Variants in ADGRL2 observed in about 807,000 individuals in gnomAD.
ADGRL2 encodes the protein calcium-independent alpha-latrotoxin receptor 2.
ADGRL2 carries 44 observed loss-of-function variants against 157.4 expected under a neutral mutation model. The ratio of observed to expected loss-of-function variants is 0.28; its 90% CI spans 0.22 to 0.36. ADGRL2 has a LOEUF of 0.36. Among genes scored for constraint, ADGRL2 ranks in the 10% least tolerant of loss-of-function variants. ADGRL2 has a pLI of 1.00. For missense variants in ADGRL2, 1,510 were observed against 1,768.9 expected (o/e 0.85, Z 2.63); for synonymous variants, 585 against 624.7 (o/e 0.94, Z 0.95).
intron 2 of ADGRL2, among the ~76,000 whole-genome samples, chr1:81,887,921 A>G (rs925549774): frequency 6.6e-6 from 1 of 152,236 alleles, no homozygotes; most frequent in Non-Finnish European, 1.5e-5. Flanking sequence ...ACATCCTTTA[A>G]AGATGAGTAT....
At chr1:81,694,624 G>A (rs2083407248) in intron 3 of ADGRL2, among the ~76,000 whole-genome samples, 1 of 152,022 alleles carries the variant, frequency 6.6e-6, no homozygotes, top group African/African-American at 2.4e-5. Flanking sequence ...CATCATTTAT[G>A]TGTCAGCTTT....
At chr1:81,466,820 C>A (rs1184806897) in intron 2 of ADGRL2, among the ~76,000 whole-genome samples, 1 of 151,968 alleles carries the variant, frequency 6.6e-6, no homozygotes, top group Non-Finnish European at 1.5e-5. Flanking sequence ...GTCAATTAAA[C>A]CACATTGTTT....
intron 1 of ADGRL2, among the ~76,000 whole-genome samples, chr1:81,429,873 T>C (rs779534227): frequency 6.6e-6 from 1 of 152,050 alleles, no homozygotes; most frequent in African/African-American, 2.4e-5. Context: ...TTGTTTTTTG[T>C]TTTTGTTTTT....
intron 1 of ADGRL2, among the ~76,000 whole-genome samples, chr1:81,438,802 C>T (rs1236210800): frequency 6.6e-6 from 1 of 152,120 alleles, no homozygotes; most frequent in Non-Finnish European, 1.5e-5. Flanking sequence ...TAATACACTT[C>T]AATATATTTC....
rs555787520 is a variant in ADGRL2, at chr1:81,759,504, T to C, written c.-142-2307T>C. Among the ~76,000 whole-genome samples, 268 of 152,266 alleles carry C rather than the reference T, an allele frequency of 1.8e-3. 1 individual carries two copies. The highest frequency in any genetic ancestry group is 2.7e-3 in the Non-Finnish European group (184 of 67,984). On this transcript the variant is annotated intron_variant, in intron 1 of 20. Transcript: ENST00000359929. ...GCAAAATTCAAAACATTTATGAAAGTATAATTAACTAACATTTTAAATCAG... is the reference window on the plus strand; with the variant it reads ...GCAAAATTCAAAACATTTATGAAAGCATAATTAACTAACATTTTAAATCAG...
rs765738444 is a variant in ADGRL2 at position 81,936,788 on chromosome 1, T to C, written c.348T>C (p.Cys116=). 3 of 1,612,124 alleles carry C rather than the reference T, an allele frequency of 1.9e-6. No individual in the cohort carries two copies. The African/African-American group carries it at 4.0e-5, about 22-fold the overall frequency. The change falls in exon 4 of 24, where the codon TGT becomes TGC. Residue 116 remains cysteine (C), a synonymous_variant. Transcript: ENST00000686636. Reference sequence around the variant, plus strand: ...GGTCAGATGTGTTTCCTGATCCATGTCCTGGAACATACAAATACCTTGAAG... The same window carrying C: ...GGTCAGATGTGTTTCCTGATCCATGCCCTGGAACATACAAATACCTTGAAG... The part of the protein sequence containing the change: ...VTGSDVFPDP[C]PGTYKYLEVQ...
intron 2 of ADGRL2, among the ~76,000 whole-genome samples, chr1:81,843,529 G>A (rs1179354006): frequency 1.3e-5 from 2 of 152,080 alleles, no homozygotes; most frequent in African/African-American, 4.8e-5. Flanking sequence ...TAATTTGATT[G>A]CAGCAGCTTT....
intron 1 of ADGRL2, among the ~76,000 whole-genome samples, chr1:81,816,160 T>C (rs1186516366): frequency 6.6e-6 from 1 of 151,828 alleles, no homozygotes; most frequent in Admixed American, 6.6e-5. Context: ...AAGAGGAGCA[T>C]ATCAAGGTTG....
chr1:81,399,471 T>C (rs1570850457), intron 1 of ADGRL2, among the ~76,000 whole-genome samples: 2 of 152,212 alleles, frequency 1.3e-5, no homozygotes, highest in African/African-American at 2.4e-5. Context: ...TCTTCACTAC[T>C]ATTCTTTCTT....
intron 2 of ADGRL2, among the ~76,000 whole-genome samples, chr1:81,880,006 G>A (rs982389308): frequency 1.8e-4 from 27 of 152,146 alleles, no homozygotes; most frequent in African/African-American, 6.0e-4. Context: ...CAATCTAGGC[G>A]ATAGAGTGAG....
chr1:81,426,448 G>C, intron 1 of ADGRL2: 1 of 381,894 alleles, frequency 2.6e-6, no homozygotes, highest in South Asian at 2.0e-5. Flanking sequence ...AGGTGAGTCC[G>C]GTCTCAAAAT....
intron 1 of ADGRL2, among the ~76,000 whole-genome samples, chr1:81,749,877 T>C (rs1306287877): frequency 6.6e-5 from 10 of 152,162 alleles, no homozygotes; most frequent in Non-Finnish European, 1.5e-5. Context: ...CTGAATGTAG[T>C]TGCTTATAAT....
At chr1:81,450,831 T>C (rs778763666) in intron 2 of ADGRL2, among the ~76,000 whole-genome samples, 1 of 152,116 alleles carries the variant, frequency 6.6e-6, no homozygotes, top group Non-Finnish European at 1.5e-5. Flanking sequence ...GGGAAAGCTA[T>C]AGTGTTAATA....
At chr1:81,322,193 CAT>C (rs897470978) in intron 1 of ADGRL2, among the ~76,000 whole-genome samples, 2 of 147,220 alleles carry the variant, frequency 1.4e-5, no homozygotes, top group Non-Finnish European at 1.5e-5. Context: ...TATACATATA[CAT>C]ATATATATAC....
chr1:81,633,092 G>A (rs2082045836), intron 3 of ADGRL2, among the ~76,000 whole-genome samples: 1 of 152,176 alleles, frequency 6.6e-6, no homozygotes, highest in Non-Finnish European at 1.5e-5. Context: ...TTGATGGTTA[G>A]ATAACTGTTC....
intron 2 of ADGRL2, among the ~76,000 whole-genome samples, chr1:81,484,963 G>C (rs1456013729): frequency 1.3e-5 from 2 of 151,900 alleles, no homozygotes; most frequent in African/African-American, 4.8e-5. Flanking sequence ...GCTTTGTTTT[G>C]GTAATTGAGT....
At chr1:81,661,405 A>G (rs899771407) in intron 3 of ADGRL2, among the ~76,000 whole-genome samples, 1 of 152,196 alleles carries the variant, frequency 6.6e-6, no homozygotes, top group Non-Finnish European at 1.5e-5. Flanking sequence ...TAGTGTAACA[A>G]TTTTAGATTA....
intron 2 of ADGRL2, among the ~76,000 whole-genome samples, chr1:81,863,216 C>T (rs1041012811): frequency 2.0e-5 from 3 of 152,060 alleles, no homozygotes; most frequent in Non-Finnish European, 4.4e-5. Context: ...GTTGCCTTCT[C>T]ACTTTGGGCC....
At chr1:81,370,100 A>G (rs367730219) in intron 1 of ADGRL2, among the ~76,000 whole-genome samples, 3 of 152,258 alleles carry the variant, frequency 2.0e-5, no homozygotes, top group African/African-American at 7.2e-5. Flanking sequence ...CTACAGTGAA[A>G]CAAAGTGGTT....
Sources: gnomAD v4.1 joint callset for allele counts (sites outside exome capture counted in the v4.1 genomes callset) on GRCh38, gnomAD v4.1.1 for gene constraint, MANE v1.5 for transcripts, NCBI Gene and HGNC (gene_info 2026-07-23, HGNC 2026-07-21) for gene names.